Variants in ADGB observed in about 807,000 individuals in gnomAD.
ADGB encodes the protein calpain-7-like protein.
A neutral mutation model predicts 210.5 loss-of-function variants in ADGB; 172 were observed. The observed-to-expected ratio is 0.82, with a 90% CI of 0.72 to 0.93. ADGB has a LOEUF of 0.93. Ranked by LOEUF, ADGB falls within the 40% of genes least tolerant of loss-of-function variation. The probability of loss-of-function intolerance (pLI) is 0.00; values close to 1 mark genes in which losing one functional copy is unlikely to be tolerated. For synonymous variants in ADGB, 658 were observed against 662.7 expected, an observed-to-expected ratio of 0.99 and a Z score of 0.11; for missense variants, 2,025 against 1,964.8, an observed-to-expected ratio of 1.03 and a Z score of -0.58.
intron 13 of ADGB, among the ~76,000 whole-genome samples, chr6:146,711,927 C>A (rs1371129840): frequency 6.6e-6 from 1 of 151,772 alleles, no homozygotes; most frequent in Non-Finnish European, 1.5e-5. Context: ...CATGGCGGTG[C>A]ATGTCTGTTG....
intron 9 of ADGB, among the ~76,000 whole-genome samples, chr6:146,682,101 C>G (rs1199573463): frequency 6.6e-6 from 1 of 152,010 alleles, no homozygotes; most frequent in African/African-American, 2.4e-5. Flanking sequence ...TGAAAAAAAT[C>G]ATATATAATC....
chr6:146,618,965 A>G (rs1040811671), intron 1 of ADGB, among the ~76,000 whole-genome samples: 6 of 150,546 alleles, frequency 4.0e-5, no homozygotes, highest in Admixed American at 1.3e-4. Context: ...GAAATCCTCT[A>G]TTACTCTTGT....
Position 146,635,497 on chromosome 6 carries a change from G to A in ADGB, c.197G>A (p.Gly66Asp). 6.5e-7 allele frequency: 1 copy of A among 1,548,104 alleles called. No homozygotes were observed. The highest frequency in any genetic ancestry group is 8.7e-7 in the Non-Finnish European group (1 of 1,145,078). The change falls in exon 2 of 36, where the codon GGT (glycine) becomes GAT (aspartate). Residue 66 changes from glycine (G) to aspartate (D), a missense_variant. Physicochemically the swap from Gly to Asp is moderately conservative, Grantham distance 94. Transcript: ENST00000397944. Reference protein sequence around the residue: ...INSEKWDAGKGAKEKDKTGKS... With the variant: ...INSEKWDAGKDAKEKDKTGKS... Reference sequence around the variant, plus strand: ...TCAGAAAAGTGGGATGCAGGCAAAGGTGCAAAAGAAAAGGACAAAACAGGA... The same window carrying A: ...TCAGAAAAGTGGGATGCAGGCAAAGATGCAAAAGAAAAGGACAAAACAGGA...
At chr6:146,791,391 T>G (rs1777953673) in intron 33 of ADGB, among the ~76,000 whole-genome samples, 1 of 152,222 alleles carries the variant, frequency 6.6e-6, no homozygotes, top group Non-Finnish European at 1.5e-5. Flanking sequence ...TTAGAAAGGT[T>G]GGAGTATAGT....
chr6:146,633,134 C>T (rs980651213), intron 1 of ADGB, among the ~76,000 whole-genome samples: 2 of 152,018 alleles, frequency 1.3e-5, no homozygotes, highest in African/African-American at 4.8e-5. Context: ...CTGCTTTATG[C>T]CCCCTGCCTC....
intron 13 of ADGB, among the ~76,000 whole-genome samples, chr6:146,705,963 G>A (rs1776564213): frequency 6.6e-6 from 1 of 152,022 alleles, no homozygotes; most frequent in Admixed American, 6.6e-5. Flanking sequence ...TTTCCCTGTT[G>A]CCAAGGCTGG....
At chr6:146,671,887 A>G (rs1583583482) in intron 7 of ADGB, among the ~76,000 whole-genome samples, 1 of 152,256 alleles carries the variant, frequency 6.6e-6, no homozygotes, top group Non-Finnish European at 1.5e-5. Flanking sequence ...TCATGCATGC[A>G]AAAGTGTCTG....
intron 1 of ADGB, among the ~76,000 whole-genome samples, chr6:146,623,736 A>C (rs962966886): frequency 2.6e-5 from 4 of 151,860 alleles, no homozygotes; most frequent in African/African-American, 9.7e-5. Flanking sequence ...TGTAGATGTC[A>C]TTTATCAGGT....
chr6:146,657,515 T>G (rs962468187), intron 5 of ADGB, among the ~76,000 whole-genome samples: 5 of 152,214 alleles, frequency 3.3e-5, no homozygotes, highest in Non-Finnish European at 5.9e-5. Flanking sequence ...TCCTGTGATG[T>G]CAGTCCCATG....
At position 146,798,294 on chromosome 6, in the gene ADGB, T is replaced by C. The variant is rs570523364; in HGVS notation, c.4538-2889T>C. On this transcript the variant is annotated intron_variant, in intron 33 of 35. Transcript: ENST00000397944. Reference sequence around the variant, plus strand: ...ATAGATTTTTCCATTTGTTTACTTATTTAACAATTATTATAAAACTATATT... The same window carrying C: ...ATAGATTTTTCCATTTGTTTACTTACTTAACAATTATTATAAAACTATATT... Among the ~76,000 whole-genome samples, 202 of 152,340 alleles carry C rather than the reference T, an allele frequency of 1.3e-3. 1 individual carries two copies. The highest frequency in any genetic ancestry group is 6.8e-3 in the South Asian group (33 of 4,832).
intron 35 of ADGB, among the ~76,000 whole-genome samples, chr6:146,809,080 T>A (rs1378198529): frequency 6.6e-6 from 1 of 151,810 alleles, no homozygotes; most frequent in Non-Finnish European, 1.5e-5. Context: ...GGTTTAGCAT[T>A]TATGTGGAAC....
At chr6:146,643,912 TTCC>T (rs200141352) in intron 2 of ADGB, among the ~76,000 whole-genome samples, 3,913 of 152,026 alleles carry the variant, frequency 0.026, 71 homozygotes, top group Middle Eastern at 0.058. Context: ...GATTTCATAC[TTCC>T]TTACAATTAT....
At chr6:146,614,547 A>G (rs1780762607) in intron 1 of ADGB, among the ~76,000 whole-genome samples, 1 of 152,162 alleles carries the variant, frequency 6.6e-6, no homozygotes, top group Non-Finnish European at 1.5e-5. Context: ...GCTTCTTGTA[A>G]TCATAATTAT....
intron 1 of ADGB, among the ~76,000 whole-genome samples, chr6:146,608,974 G>A (rs76000551): frequency 0.087 from 13,171 of 152,076 alleles, 680 homozygotes; most frequent in East Asian, 0.23. Flanking sequence ...GGGGTGTTAA[G>A]GTCTCCCAGT....
intron 9 of ADGB, among the ~76,000 whole-genome samples, chr6:146,678,719 A>G (rs1776117551): frequency 6.6e-6 from 1 of 152,214 alleles, no homozygotes; most frequent in Admixed American, 6.5e-5. Context: ...GGCAGAAGAC[A>G]TGTAGAGATT....
chr6:146,782,335 T>C, intron 30 of ADGB, 143 bp downstream of exon 30: 1 of 817,610 alleles, frequency 1.2e-6, no homozygotes. Context: ...TTGAGGACAT[T>C]CCTTGGACAC....
intron 33 of ADGB, among the ~76,000 whole-genome samples, chr6:146,797,160 C>T (rs1583643661): frequency 6.6e-6 from 1 of 152,060 alleles, no homozygotes; most frequent in African/African-American, 2.4e-5. Context: ...CTACCTTATT[C>T]CTGCAAGAAT....
At chr6:146,768,112 A>G (rs1777602679) in intron 28 of ADGB, among the ~76,000 whole-genome samples, 1 of 152,248 alleles carries the variant, frequency 6.6e-6, no homozygotes. Context: ...AGATGACTTG[A>G]ATAAATAGAG....
In ADGB at chr6:146,611,303, T is replaced by G. The variant is rs1033186130; in HGVS notation, c.74+12189T>G. ...GATTGTTCCCATTCCATGGGTAACATAACCTTGTTCTGTTCAGGTTCAGCT... is the reference window on the plus strand; with the variant it reads ...GATTGTTCCCATTCCATGGGTAACAGAACCTTGTTCTGTTCAGGTTCAGCT... On this transcript the variant is annotated intron_variant, in intron 1 of 35. Coordinates refer to ENST00000397944, the MANE Select transcript of ADGB (RefSeq NM_024694.4). Among the ~76,000 whole-genome samples the G allele has an allele frequency of 4.2e-4, 64 of 152,138 alleles. 1 individual carries two copies. Among genetic ancestry groups the G allele is most frequent in the Non-Finnish European group, 2.1e-4 (14 of 68,000 alleles).
Sources: allele counts gnomAD v4.1 joint callset (sites outside exome capture counted in the v4.1 genomes callset), GRCh38; gene constraint gnomAD v4.1.1; transcripts MANE v1.5; gene names NCBI Gene and HGNC (gene_info 2026-07-23, HGNC 2026-07-21).